JAK1: variants seen among roughly 807,000 people sequenced by gnomAD.
JAK1 encodes tyrosine-protein kinase JAK1.
A neutral mutation model predicts 136.6 loss-of-function variants in JAK1; 16 were observed. The ratio of observed to expected loss-of-function variants is 0.12; its 90% CI spans 0.08 to 0.18. The LOEUF (loss-of-function observed/expected upper bound fraction) is 0.18. JAK1 is among the 10% of genes least tolerant of loss of function. The pLI is 1.00. For synonymous variants in JAK1, 492 were observed against 519.5 expected, an observed-to-expected ratio of 0.95 and a Z score of 0.72; for missense variants, 859 against 1,450.1, an observed-to-expected ratio of 0.59 and a Z score of 6.62.
At chr1:64,978,150 C>T (rs1413476289) in intron 2 of JAK1, among the ~76,000 whole-genome samples, 3 of 151,946 alleles carry the variant, frequency 2.0e-5, no homozygotes, top group African/African-American at 7.3e-5. Context: ...TGGTGGTGCG[C>T]GCCTGTAGTC....
Position 64,956,975 on chromosome 1 carries a change from T to C in JAK1, c.-78+9358A>G, listed in dbSNP as rs114806857. ...GGCACCAGTAGGGTTGAGGGACATC[T>C]GCCAGGAAGGAGGTTTTCAGCAGCA... On this transcript the variant is annotated intron_variant, in intron 1 of 24. Coordinates refer to ENST00000342505, the MANE Select transcript of JAK1 (RefSeq NM_002227.4). Among the ~76,000 whole-genome samples, 1,461 of 152,308 alleles carry C rather than the reference T, an allele frequency of 9.6e-3. 11 individuals carry two copies. Among genetic ancestry groups the C allele is most frequent in the Middle Eastern group, 0.024 (7 of 294 alleles).
chr1:64,939,450 T>G (rs1178977779), intron 1 of JAK1, among the ~76,000 whole-genome samples: 1 of 152,214 alleles, frequency 6.6e-6, no homozygotes, highest in Non-Finnish European at 1.5e-5. Flanking sequence ...GAGTCACTAG[T>G]TTGCAGTAAG....
At chr1:64,866,284 C>A (rs964862709) in intron 7 of JAK1, among the ~76,000 whole-genome samples, 1 of 152,230 alleles carries the variant, frequency 6.6e-6, no homozygotes, top group Non-Finnish European at 1.5e-5. Flanking sequence ...AAGCTAGGAT[C>A]TGAACCCCGT....
chr1:65,031,448 G>C (rs1647023134), intron 2 of JAK1, among the ~76,000 whole-genome samples: 1 of 152,086 alleles, frequency 6.6e-6, no homozygotes, highest in Non-Finnish European at 1.5e-5. Context: ...GTAAGAGAAA[G>C]TCAATGAAAA....
intron 1 of JAK1, among the ~76,000 whole-genome samples, chr1:64,906,574 T>C (rs1645193665): frequency 6.6e-6 from 1 of 152,154 alleles, no homozygotes; most frequent in African/African-American, 2.4e-5. Flanking sequence ...TCAAAATATG[T>C]CCCATATCCC....
At chr1:64,894,776 C>T (rs1644989834) in intron 1 of JAK1, among the ~76,000 whole-genome samples, 1 of 151,386 alleles carries the variant, frequency 6.6e-6, no homozygotes, top group Admixed American at 6.6e-5. Flanking sequence ...GACTACGTCT[C>T]AAAAAACAAA....
chr1:64,918,387 G>A (rs1645435806), intron 1 of JAK1: 1 of 152,024 alleles, frequency 6.6e-6, no homozygotes, highest in African/African-American at 2.4e-5. Flanking sequence ...CTTAGTCAAG[G>A]GCCTGGCAGC....
At chr1:64,865,866 C>G (rs1656670919) in intron 7 of JAK1, among the ~76,000 whole-genome samples, 1 of 152,052 alleles carries the variant, frequency 6.6e-6, no homozygotes, top group Non-Finnish European at 1.5e-5. Context: ...CTCAGGCGAT[C>G]CTCCCAACTC....
At chr1:64,988,075 A>G (rs1019117610) in intron 2 of JAK1, among the ~76,000 whole-genome samples, 1 of 152,168 alleles carries the variant, frequency 6.6e-6, no homozygotes, top group Non-Finnish European at 1.5e-5. Context: ...ATGAGAGTCA[A>G]TTATGTGTGT....
chr1:64,905,874 G>A (rs1389173332), intron 1 of JAK1, among the ~76,000 whole-genome samples: 1 of 152,112 alleles, frequency 6.6e-6, no homozygotes, highest in African/African-American at 2.4e-5. Flanking sequence ...AGGCCAGAGG[G>A]AGCTCCCCCA....
At position 64,900,627 on chromosome 1, in the gene JAK1, T is replaced by C. The variant is rs553878102; in HGVS notation, c.-77-14286A>G. Among the ~76,000 whole-genome samples, 3 of 152,302 alleles carry C rather than the reference T, an allele frequency of 2.0e-5. No individual in the cohort carries two copies. The East Asian group carries it at 5.8e-4, about 29-fold the overall frequency. On this transcript the variant is annotated intron_variant, in intron 1 of 24. Coordinates refer to ENST00000342505, the MANE Select transcript of JAK1 (RefSeq NM_002227.4). ...TTCTAACTCTGTTGTCTCTACCCACTTATCTCCCAAATTACTGCAACAATC... is the reference window on the plus strand; with the variant it reads ...TTCTAACTCTGTTGTCTCTACCCACCTATCTCCCAAATTACTGCAACAATC...
At chr1:65,013,094 T>TAAA (rs1646863488) in intron 2 of JAK1, among the ~76,000 whole-genome samples, 1 of 60,498 alleles carries the variant, frequency 1.7e-5, no homozygotes. Flanking sequence ...ACACTCCGTC[T>TAAA]CAAAAAAAAA....
intron 21 of JAK1, 84 bp downstream of exon 21, chr1:64,838,381 C>T (rs1654625197): frequency 5.1e-6 from 7 of 1,379,680 alleles, no homozygotes; most frequent in Non-Finnish European, 7.0e-6. Flanking sequence ...ATAAACTTAC[C>T]CACTTAGAGT....
intron 1 of JAK1, among the ~76,000 whole-genome samples, chr1:65,047,841 C>T (rs1245977576): frequency 1.3e-5 from 2 of 151,844 alleles, no homozygotes; most frequent in Admixed American, 1.3e-4. Flanking sequence ...AGTGTTAATG[C>T]TATGAACAAA....
At chr1:64,938,264 C>A (rs561434673) in intron 1 of JAK1, among the ~76,000 whole-genome samples, 3 of 151,874 alleles carry the variant, frequency 2.0e-5, no homozygotes, top group South Asian at 4.2e-4. Flanking sequence ...TCGTAAAGAA[C>A]AACTTTGATG....
intron 1 of JAK1, among the ~76,000 whole-genome samples, chr1:64,964,781 T>C (rs1057027434): frequency 2.6e-5 from 4 of 152,222 alleles, no homozygotes; most frequent in African/African-American, 9.6e-5. Flanking sequence ...CCAAAGTCAT[T>C]CCAGTATGAT....
intron 1 of JAK1, among the ~76,000 whole-genome samples, chr1:64,907,728 C>T (rs1486734769): frequency 2.0e-5 from 3 of 152,016 alleles, no homozygotes; most frequent in Non-Finnish European, 4.4e-5. Flanking sequence ...TACCCTCAGC[C>T]CTGACATGCC....
At chr1:65,048,682 T>C (rs1340334887) in intron 1 of JAK1, among the ~76,000 whole-genome samples, 1 of 152,098 alleles carries the variant, frequency 6.6e-6, no homozygotes, top group Non-Finnish European at 1.5e-5. Flanking sequence ...TCCAAAAGGA[T>C]TTATGAGGTG....
At chr1:64,835,657 A>G (rs1654436400) in intron 23 of JAK1, 151 bp from the exon 24 acceptor site, 1 of 613,364 alleles carries the variant, frequency 1.6e-6, no homozygotes, top group Non-Finnish European at 2.8e-6. Flanking sequence ...AAAATCCAAA[A>G]TCCTTATTAG....
Sources: allele counts gnomAD v4.1 joint callset (sites outside exome capture counted in the v4.1 genomes callset), GRCh38; gene constraint gnomAD v4.1.1; transcripts MANE v1.5; gene names NCBI Gene and HGNC (gene_info 2026-07-23, HGNC 2026-07-21).